GSDMA: variants seen among roughly 807,000 people sequenced by gnomAD.
GSDMA encodes the protein gasdermin A, also known as gasdermin-A.
In GSDMA, 55 loss-of-function variants were observed where a neutral mutation model predicts 54.3. The observed-to-expected ratio is 1.01, with a 90% CI of 0.82 to 1.27. The LOEUF is 1.27. GSDMA is among the 50% of genes most tolerant of loss of function. The pLI is 0.00. For synonymous variants in GSDMA, 211 were observed against 224.7 expected (o/e 0.94, Z 0.54); for missense variants, 542 against 542.6 (o/e 1.00, Z 0.01).
Position 39,973,795 on chromosome 17 carries a change from T to G in GSDMA, c.731-15T>G, listed in dbSNP as rs779607685. Reference sequence around the variant, plus strand: ...GGATTGCATTCTTATCTTTTTTTTTTCCTTTTTTTCTCAGTTATCCAGGCA... The same window carrying G: ...GGATTGCATTCTTATCTTTTTTTTTGCCTTTTTTTCTCAGTTATCCAGGCA... On this transcript the variant is annotated splice_polypyrimidine_tract_variant and intron_variant, in intron 7 of 11. Transcript: ENST00000301659. The G allele has an allele frequency of 3.7e-6, 6 of 1,607,828 alleles. No homozygotes were observed. The South Asian group carries it at 6.7e-5, about 18-fold the overall frequency.
Position 39,975,008 on chromosome 17 carries a change from C to T in GSDMA, c.1015C>T (p.Leu339=), listed in dbSNP as rs1480503152. The part of the protein sequence containing the change: ...VGAILYFVGA[L]TELSEAQQKL... ...CGCCATCCTCTATTTCGTTGGAGCC[C>T]TAACAGGTAAGTGGGGAATAAGGTC... The change falls in exon 10 of 12, where the codon CTA becomes TTA. Residue 339 remains leucine (L), a synonymous_variant. Transcript: ENST00000301659. The T allele has an allele frequency of 1.3e-6, 2 of 1,599,878 alleles. No homozygotes were observed. Among genetic ancestry groups the T allele is most frequent in the South Asian group, 2.2e-5 (2 of 90,240 alleles).
At position 39,977,049 on chromosome 17, in the gene GSDMA, G is replaced by A. The variant is rs752739656; in HGVS notation, c.1329G>A (p.Lys443=). 2 of 1,613,774 alleles carry A rather than the reference G, an allele frequency of 1.2e-6. No individual in the cohort carries two copies. Among genetic ancestry groups the A allele is most frequent in the Admixed American group, 3.3e-5 (2 of 59,986 alleles). The stretch of plus-strand genomic sequence containing the variant: ...TCTCTCTCCTTCAGCAGCTTACCAA[G>A]GCCTCCTAATTTGCCTTTTACGTCT... The part of the protein sequence containing the change: ...AGLSLLQQLT[K]AS The change falls in exon 12 of 12, where the codon AAG becomes AAA. Residue 443 remains lysine, a synonymous_variant. Transcript: ENST00000301659.
chr17:39,972,190 C>A lies in GSDMA; in HGVS notation c.703+14C>A. Reference sequence around the variant, plus strand: ...TCCCTCCTGGAGGTAAGTGAAATTGCTTACGGGCTTCCCACATCTTCCGCC... The same window carrying A: ...TCCCTCCTGGAGGTAAGTGAAATTGATTACGGGCTTCCCACATCTTCCGCC... On this transcript the variant is annotated intron_variant, in intron 6 of 11. Coordinates refer to ENST00000301659, the MANE Select transcript of GSDMA (RefSeq NM_178171.5). 1 of 1,532,460 alleles carries A rather than the reference C, an allele frequency of 6.5e-7. No homozygotes were observed. The highest frequency in any genetic ancestry group is 8.9e-7 in the Non-Finnish European group (1 of 1,124,940). 94.9% of individuals were successfully genotyped at this position (1,532,460 alleles called of 1,614,324 possible).
Position 39,965,913 on chromosome 17 carries a change from G to A in GSDMA, c.214+12G>A, listed in dbSNP as rs1398075986. 1 of 1,549,906 alleles carries A rather than the reference G, an allele frequency of 6.5e-7. No individual in the cohort carries two copies. ...CAGCTCACCTTCAGGTCAGCCTCAA[G>A]CGGGGCTGGGAACTGAGGGATACTG... On this transcript the variant is annotated intron_variant, in intron 2 of 11. Coordinates refer to ENST00000301659, the MANE Select transcript of GSDMA (RefSeq NM_178171.5).
At chr17:39,965,565 G>A in intron 1 of GSDMA, 118 bp from the exon 2 acceptor site, 1 of 695,160 alleles carries the variant, frequency 1.4e-6, no homozygotes, top group Non-Finnish European at 2.5e-6. Context: ...GCATCTCTAA[G>A]AGCTCCTCCT....
chr17:39,976,903 G>C lies in GSDMA; in HGVS notation c.1183G>C (p.Glu395Gln). The C allele has an allele frequency of 1.2e-6, 2 of 1,613,966 alleles. No individual in the cohort carries two copies. The highest frequency in any genetic ancestry group is 1.1e-5 in the South Asian group (1 of 91,084). Residue 395 changes from glutamate (E) to glutamine (Q), a missense_variant, in exon 12 of 12, where the codon GAG (glutamate) becomes CAG (glutamine). Physicochemically the swap from Glu to Gln is conservative, Grantham distance 29 (BLOSUM62 2). Transcript: ENST00000301659. Reference protein sequence around the residue: ...QPELLSSLGDEELTLTEALVG... With the variant: ...QPELLSSLGDQELTLTEALVG... ...TGAGCTGCTCTCCTCCCTTGGGGAC[G>C]AGGAGCTGACCCTCACGGAGGCTCT...
intron 3 of GSDMA, among the ~76,000 whole-genome samples, chr17:39,968,449 G>A (rs1979778761): frequency 7.0e-6 from 1 of 142,354 alleles, no homozygotes. Flanking sequence ...CCAGGTTCAA[G>A]CAGTCCTCCT....
chr17:39,966,237 C>T, intron 2 of GSDMA, 23 bp from the exon 3 acceptor site: 1 of 1,613,502 alleles, frequency 6.2e-7, no homozygotes, highest in Non-Finnish European at 8.5e-7. Context: ...AGCCCAGCCC[C>T]TTTTGTCTTT....
intron 1 of GSDMA, among the ~76,000 whole-genome samples, chr17:39,965,311 A>G (rs2144783152): frequency 6.8e-6 from 1 of 147,772 alleles, no homozygotes; most frequent in South Asian, 2.1e-4. Flanking sequence ...AGAGAAATAA[A>G]TAAAGAAAGA....
intron 1 of GSDMA, 56 bp from the exon 2 acceptor site, chr17:39,965,627 C>T: frequency 7.2e-7 from 1 of 1,381,700 alleles, no homozygotes; most frequent in South Asian, 1.2e-5. Flanking sequence ...ATATCCCGGG[C>T]TCCTTGGCAG....
intron 3 of GSDMA, among the ~76,000 whole-genome samples, chr17:39,967,916 G>A (rs1979743637): frequency 6.6e-6 from 1 of 152,138 alleles, no homozygotes; most frequent in African/African-American, 2.4e-5. Flanking sequence ...GGAGTGCAGT[G>A]GCACGATCTC....
chr17:39,974,523 G>T, intron 9 of GSDMA, 96 bp downstream of exon 9: 3 of 1,350,410 alleles, frequency 2.2e-6, no homozygotes, highest in Non-Finnish European at 3.0e-6. Flanking sequence ...GAGATCTGAC[G>T]GGGGCAGGAG....
At chr17:39,974,231 G>A (rs1224466848) in intron 8 of GSDMA, 42 bp from the exon 9 acceptor site, 3 of 1,563,908 alleles carry the variant, frequency 1.9e-6, no homozygotes, top group Non-Finnish European at 2.6e-6. Context: ...GGAGAGGAAG[G>A]TGCCCGATGG....
At chr17:39,971,416 C>A in intron 4 of GSDMA, 108 bp from the exon 5 acceptor site, 1 of 743,260 alleles carries the variant, frequency 1.3e-6, no homozygotes, top group Non-Finnish European at 2.3e-6. Context: ...AGCTTCTTAT[C>A]TCCCTGAAGG....
In GSDMA at chr17:39,977,263, G is replaced by T. The variant is rs938737172; in HGVS notation, c.*205G>T. 5 of 466,228 alleles carry T rather than the reference G, an allele frequency of 1.1e-5. No individual in the cohort carries two copies. Among genetic ancestry groups the T allele is most frequent in the East Asian group, 3.6e-5 (1 of 28,144 alleles). 28.9% of individuals were successfully genotyped at this position (466,228 alleles called of 1,614,324 possible). ...CCGCAACCCACTAAGCCCATCTGCT[G>T]ATGCTTAAATTTTCTTTACTTTTCT... On this transcript the variant is annotated 3_prime_UTR_variant, in exon 12 of 12. Coordinates refer to ENST00000301659, the MANE Select transcript of GSDMA (RefSeq NM_178171.5).
At position 39,970,482 on chromosome 17, in the gene GSDMA, G is replaced by C; in HGVS notation, c.393G>C (p.Arg131Ser). 1 of 1,573,100 alleles carries C rather than the reference G, an allele frequency of 6.4e-7. No homozygotes were observed. Among genetic ancestry groups the C allele is most frequent in the Non-Finnish European group, 8.6e-7 (1 of 1,159,316 alleles). The change falls in exon 4 of 12, where the codon AGG (arginine) becomes AGC (serine). Residue 131 changes from arginine to serine, a missense_variant and splice_region_variant. Physicochemically the swap from Arg to Ser is moderately radical, Grantham distance 110 (BLOSUM62 -1). Coordinates refer to ENST00000301659, the MANE Select transcript of GSDMA (RefSeq NM_178171.5). ...APKALETVQERKLAADHPFLK... is the reference protein window; with the variant it reads ...APKALETVQESKLAADHPFLK... ...TTCCCTTATGTTTCTCCTGCAACAG[G>C]AAGCTGGCAGCAGACCACCCATTCC...
Position 39,974,354 on chromosome 17 carries a change from G to A in GSDMA, c.833G>A (p.Gly278Glu). The change falls in exon 9 of 12, where the codon GGG (glycine) becomes GAG (glutamate). Residue 278 changes from glycine to glutamate, a missense_variant. By Grantham distance (98) the Gly-to-Glu change is moderately conservative. Transcript: ENST00000301659. ...CAAGTGGAGAAGCTGAGCCGAGTAG[G>A]GCAAAGCTCCCTGCTCAGCTCCCTC... ...TQQVEKLSRVGQSSLLSSLSK... is the reference protein window; with the variant it reads ...TQQVEKLSRVEQSSLLSSLSK... 1 of 1,605,772 alleles carries A rather than the reference G, an allele frequency of 6.2e-7. No homozygotes were observed. Among genetic ancestry groups the A allele is most frequent in the Non-Finnish European group, 8.5e-7 (1 of 1,176,148 alleles).
In GSDMA at chr17:39,977,086, C is replaced by T. The variant is rs975564127; in HGVS notation, c.*28C>T. ...TGCCTTTTACGTCTGCTTCATGACTCCCTAATGCCTTCCCAACCTCGTGGT... is the reference window on the plus strand; with the variant it reads ...TGCCTTTTACGTCTGCTTCATGACTTCCTAATGCCTTCCCAACCTCGTGGT... On this transcript the variant is annotated 3_prime_UTR_variant, in exon 12 of 12. Coordinates refer to ENST00000301659, the MANE Select transcript of GSDMA (RefSeq NM_178171.5). 9.3e-6 allele frequency: 15 copies of T among 1,611,136 alleles called. No individual in the cohort carries two copies. The highest frequency in any genetic ancestry group is 1.3e-5 in the Non-Finnish European group (15 of 1,178,076).
Position 39,977,094 on chromosome 17 carries a change from C to A in GSDMA, c.*36C>A. The A allele has an allele frequency of 6.2e-7, 1 of 1,608,854 alleles. No individual in the cohort carries two copies. Among genetic ancestry groups the A allele is most frequent in the Non-Finnish European group, 8.5e-7 (1 of 1,176,506 alleles). ...ACGTCTGCTTCATGACTCCCTAATG[C>A]CTTCCCAACCTCGTGGTGCTGTGTC... On this transcript the variant is annotated 3_prime_UTR_variant, in exon 12 of 12. Transcript: ENST00000301659.
Sources: gnomAD v4.1 joint callset for allele counts (sites outside exome capture counted in the v4.1 genomes callset) on GRCh38, gnomAD v4.1.1 for gene constraint, MANE v1.5 for transcripts, NCBI Gene and HGNC (gene_info 2026-07-23, HGNC 2026-07-21) for gene names.